SHLD1: variants seen among roughly 807,000 people sequenced by gnomAD.
The protein encoded by SHLD1 is RINN1-REV7-interacting novel NHEJ regulator 3.
In SHLD1, 3 loss-of-function variants were observed where a neutral mutation model predicts 5.5. The ratio of observed to expected loss-of-function variants is 0.54; its 90% CI spans 0.25 to 1.40. The LOEUF (loss-of-function observed/expected upper bound fraction) is 1.40, where lower values mean the gene tolerates loss of function less well. Among genes scored for constraint, SHLD1 ranks in the 40% most tolerant of loss-of-function variants. The pLI, the probability that SHLD1 is intolerant of heterozygous loss-of-function variation, is 0.15. For missense variants in SHLD1, 210 were observed against 244.4 expected (o/e 0.86, Z 0.94); for synonymous variants, 92 against 94.3 (o/e 0.98, Z 0.14).
At chr20:5,784,229 G>A (rs1020104083) in intron 2 of SHLD1, among the ~76,000 whole-genome samples, 4 of 151,582 alleles carry the variant, frequency 2.6e-5, no homozygotes, top group African/African-American at 9.7e-5. Flanking sequence ...TGAATCCCAG[G>A]ATAATGAAGA....
intron 2 of SHLD1, among the ~76,000 whole-genome samples, chr20:5,805,700 A>C (rs969769448): frequency 1.3e-5 from 2 of 152,200 alleles, no homozygotes; most frequent in Admixed American, 1.3e-4. Flanking sequence ...TCCTGGGTTC[A>C]AATGATTCTC....
At chr20:5,856,602 G>A (rs1024473664) in intron 2 of SHLD1, among the ~76,000 whole-genome samples, 1 of 152,180 alleles carries the variant, frequency 6.6e-6, no homozygotes, top group African/African-American at 2.4e-5. Flanking sequence ...CTTATCCAGG[G>A]CATGGTGAGG....
At chr20:5,816,033 A>G (rs1235016032) in intron 2 of SHLD1, among the ~76,000 whole-genome samples, 2 of 149,278 alleles carry the variant, frequency 1.3e-5, no homozygotes, top group African/African-American at 4.9e-5. Flanking sequence ...GTGAGCTGAG[A>G]TCACACCACT....
At chr20:5,774,088 C>T (rs1038349854) in intron 2 of SHLD1, among the ~76,000 whole-genome samples, 2 of 152,028 alleles carry the variant, frequency 1.3e-5, no homozygotes, top group African/African-American at 4.8e-5. Context: ...CCTGTAATAC[C>T]AGCTACTCGG....
intron 2 of SHLD1, among the ~76,000 whole-genome samples, chr20:5,802,199 G>A (rs2087303492): frequency 1.3e-5 from 2 of 152,068 alleles, no homozygotes; most frequent in African/African-American, 4.8e-5. Flanking sequence ...TTGTATTGCT[G>A]CTTATTTTTC....
At chr20:5,771,014 G>A (rs1245006689) in intron 1 of SHLD1, among the ~76,000 whole-genome samples, 1 of 152,126 alleles carries the variant, frequency 6.6e-6, no homozygotes, top group Non-Finnish European at 1.5e-5. Flanking sequence ...CAAGACAGCT[G>A]TCACCCATAC....
chr20:5,843,579 C>T (rs776268879), intron 2 of SHLD1, among the ~76,000 whole-genome samples: 30 of 152,310 alleles, frequency 2.0e-4, no homozygotes, highest in Non-Finnish European at 3.5e-4. Flanking sequence ...TTGAAGCTGA[C>T]ATGCTAGGTC....
chr20:5,778,231 G>C (rs994785298), intron 2 of SHLD1, among the ~76,000 whole-genome samples: 3 of 148,576 alleles, frequency 2.0e-5, no homozygotes, highest in Non-Finnish European at 4.4e-5. Flanking sequence ...ATTCTCCTGC[G>C]TCAGCCTCCC....
chr20:5,774,341 A>T (rs1259437623), intron 2 of SHLD1, among the ~76,000 whole-genome samples: 1 of 152,224 alleles, frequency 6.6e-6, no homozygotes, highest in East Asian at 1.9e-4. Flanking sequence ...AGGATGTGTA[A>T]CTGTCATTGC....
intron 2 of SHLD1, among the ~76,000 whole-genome samples, chr20:5,833,318 A>G (rs2087751520): frequency 6.6e-6 from 1 of 152,216 alleles, no homozygotes; most frequent in African/African-American, 2.4e-5. Context: ...AGGTAAACTC[A>G]CAACTCGGGT....
rs1293231703 is a variant in SHLD1, at chr20:5,773,098, G to A, written c.178+55G>A. The A allele has an allele frequency of 7.0e-6, 11 of 1,563,718 alleles. No individual in the cohort carries two copies. In the East Asian group the frequency reaches 2.2e-4, roughly 32 times the overall value. ...TTAAAAACAACTAGCAGCAATACGG[G>A]TGTGTGATAGTTTGTTTCTCTCTCT... On this transcript the variant is annotated intron_variant, in intron 2 of 2. Coordinates refer to ENST00000303142, the MANE Select transcript of SHLD1 (RefSeq NM_152504.4).
intron 1 of SHLD1, among the ~76,000 whole-genome samples, chr20:5,750,685 G>A (rs954628827): frequency 6.6e-6 from 1 of 151,948 alleles, no homozygotes; most frequent in African/African-American, 2.4e-5. Flanking sequence ...TGGATAGTGA[G>A]TATGGATAAG....
chr20:5,850,091 C>T (rs1028137688), intron 2 of SHLD1, among the ~76,000 whole-genome samples: 2 of 146,170 alleles, frequency 1.4e-5, no homozygotes, highest in African/African-American at 5.0e-5. Context: ...CCAGCCTGGG[C>T]AACACAGCAA....
At chr20:5,783,980 C>T (rs1335761456) in intron 2 of SHLD1, among the ~76,000 whole-genome samples, 6 of 151,954 alleles carry the variant, frequency 3.9e-5, no homozygotes, top group African/African-American at 9.7e-5. Flanking sequence ...GGCAAAACGC[C>T]GTCTCTACTA....
chr20:5,774,479 A>G (rs1010762364), intron 2 of SHLD1, among the ~76,000 whole-genome samples: 5 of 152,168 alleles, frequency 3.3e-5, no homozygotes, highest in African/African-American at 4.8e-5. Flanking sequence ...TCACACTGCT[A>G]TAAAGAGATA....
At chr20:5,849,377 A>T (rs2122488524) in intron 2 of SHLD1, among the ~76,000 whole-genome samples, 1 of 152,330 alleles carries the variant, frequency 6.6e-6, no homozygotes, top group East Asian at 1.9e-4. Context: ...AACAGGGAAA[A>T]GGAAAGGAGG....
In SHLD1 at chr20:5,776,650, A is replaced by G. The variant is rs1297037400; in HGVS notation, c.178+3607A>G. Among the ~76,000 whole-genome samples the G allele has an allele frequency of 2.6e-5, 4 of 152,078 alleles. No homozygotes were observed. The East Asian group carries it at 7.8e-4, about 30-fold the overall frequency. On this transcript the variant is annotated intron_variant, in intron 2 of 2. Transcript: ENST00000303142. Reference sequence around the variant, plus strand: ...TGGTGGCAGGCGCCTGTAATCCCAGATACTCGGGGGCCTGAGGCAGGAGAA... The same window carrying G: ...TGGTGGCAGGCGCCTGTAATCCCAGGTACTCGGGGGCCTGAGGCAGGAGAA...
chr20:5,805,211 G>A (rs2087355453), intron 2 of SHLD1, among the ~76,000 whole-genome samples: 1 of 152,196 alleles, frequency 6.6e-6, no homozygotes, highest in African/African-American at 2.4e-5. Context: ...AGGCTGGAGT[G>A]CAGTGGCGCG....
chr20:5,794,167 A>T (rs1393938220), intron 2 of SHLD1, among the ~76,000 whole-genome samples: 1 of 152,156 alleles, frequency 6.6e-6, no homozygotes, highest in African/African-American at 2.4e-5. Context: ...TGAGCAAGTG[A>T]CTGCACTTCA....
Sources: gnomAD v4.1 joint callset for allele counts (sites outside exome capture counted in the v4.1 genomes callset) on GRCh38, gnomAD v4.1.1 for gene constraint, MANE v1.5 for transcripts, NCBI Gene and HGNC (gene_info 2026-07-23, HGNC 2026-07-21) for gene names.